Variants in KATNAL2 observed in about 807,000 individuals in gnomAD.
The protein encoded by KATNAL2 is katanin catalytic subunit A1 like 2.
Under a neutral mutation model 76.3 loss-of-function variants are expected in KATNAL2, and 52 were observed. The observed-to-expected ratio is 0.68, with a 90% CI of 0.55 to 0.86. The LOEUF is 0.86. Among genes scored for constraint, KATNAL2 ranks in the 40% least tolerant of loss-of-function variants. The probability of loss-of-function intolerance (pLI) is 0.00; values close to 1 mark genes in which losing one functional copy is unlikely to be tolerated. For missense variants in KATNAL2, 660 were observed against 668.9 expected (o/e 0.99, Z 0.15); for synonymous variants, 243 against 244.2 (o/e 1.00, Z 0.05).
chr18:47,050,707 G>C (rs888114782), intron 4 of KATNAL2, among the ~76,000 whole-genome samples: 1 of 152,240 alleles, frequency 6.6e-6, no homozygotes, highest in Admixed American at 6.5e-5. Flanking sequence ...AAGGACATAT[G>C]AGTGTCAATA....
intron 15 of KATNAL2, among the ~76,000 whole-genome samples, chr18:47,096,336 T>C (rs1350449329): frequency 6.6e-6 from 1 of 152,168 alleles, no homozygotes; most frequent in African/African-American, 2.4e-5. Flanking sequence ...TACTCTTTTT[T>C]AAAAAATATT....
At chr18:47,036,984 A>C (rs2060800114) in intron 3 of KATNAL2, among the ~76,000 whole-genome samples, 1 of 152,250 alleles carries the variant, frequency 6.6e-6, no homozygotes, top group African/African-American at 2.4e-5. Flanking sequence ...ATATATATTC[A>C]ACCTTTTAGG....
chr18:47,087,889 T>C (rs944041261), intron 15 of KATNAL2, among the ~76,000 whole-genome samples: 4 of 152,146 alleles, frequency 2.6e-5, no homozygotes, highest in African/African-American at 7.2e-5. Flanking sequence ...TGGACAACTT[T>C]GAAAATCTGC....
At chr18:47,069,398 TC>T in intron 12 of KATNAL2, 83 bp from the exon 13 acceptor site, 1 of 1,373,036 alleles carries the variant, frequency 7.3e-7, no homozygotes, top group Non-Finnish European at 1.0e-6. Flanking sequence ...GTCACTTCCT[TC>T]CTTGTGTGTG....
chr18:47,075,132 A>T, intron 13 of KATNAL2, 145 bp from the exon 14 acceptor site: 1 of 530,726 alleles, frequency 1.9e-6, no homozygotes. Flanking sequence ...GGGAGAAATG[A>T]TTGTAATGAT....
chr18:47,034,768 C>T lies in KATNAL2; in HGVS notation c.52-11689C>T, dbSNP rs370054629. 2.5e-6 allele frequency: 4 copies of T among 1,612,544 alleles called. No individual in the cohort carries two copies. The African/African-American group carries it at 4.0e-5, about 16-fold the overall frequency. ...GCGCGTTGGAGAGGCCCGATAGCGG[C>T]CGGAATCAGCTGGGGCTATTCTGGG... On this transcript the variant is annotated intron_variant, in intron 3 of 17. Transcript: ENST00000683218.
At chr18:47,046,225 AG>A (rs1569075063) in intron 3 of KATNAL2, among the ~76,000 whole-genome samples, 1 of 152,314 alleles carries the variant, frequency 6.6e-6, no homozygotes, top group East Asian at 1.9e-4. Context: ...AGTGGTAAAG[AG>A]CAATCCTAAT....
intron 14 of KATNAL2, 63 bp from the exon 15 acceptor site, chr18:47,077,288 C>T: frequency 8.1e-7 from 1 of 1,234,076 alleles, no homozygotes; most frequent in Non-Finnish European, 1.2e-6. Context: ...GCTGTGAATG[C>T]TGCTCTTGTC....
At chr18:47,034,027 T>C in intron 3 of KATNAL2, 1 of 1,614,212 alleles carries the variant, frequency 6.2e-7, no homozygotes, top group Non-Finnish European at 8.5e-7. Flanking sequence ...TTCGTTTGCT[T>C]TCCTTTGTTT....
chr18:47,069,344 C>T, intron 12 of KATNAL2, 61 bp downstream of exon 12: 1 of 1,454,662 alleles, frequency 6.9e-7, no homozygotes, highest in Non-Finnish European at 9.5e-7. Flanking sequence ...ATGAGTTGCC[C>T]CTTCTGTCCT....
Position 47,062,994 on chromosome 18 carries a change from G to T in KATNAL2, c.572G>T (p.Gly191Val). ...CAGGGCCAAATCATTGACTTCCAAG[G>T]GCTGCTCACAGATGCCATCAAGGGA... ...PRRGQIIDFQGLLTDAIKGAT... is the reference protein window; with the variant it reads ...PRRGQIIDFQVLLTDAIKGAT... Residue 191 changes from glycine (G) to valine (V), a missense_variant, in exon 9 of 18, where the codon GGG (glycine) becomes GTG (valine). By Grantham distance (109) the Gly-to-Val change is moderately radical (BLOSUM62 -3). Coordinates refer to ENST00000683218, the MANE Select transcript of KATNAL2 (RefSeq NM_001387690.1). 6.2e-7 allele frequency: 1 copy of T among 1,613,998 alleles called. No homozygotes were observed. Among genetic ancestry groups the T allele is most frequent in the Non-Finnish European group, 8.5e-7 (1 of 1,179,986 alleles).
chr18:46,936,408 T>A (rs921934597), intron 1 of KATNAL2, among the ~76,000 whole-genome samples: 21 of 152,166 alleles, frequency 1.4e-4, no homozygotes, highest in African/African-American at 4.8e-4. Flanking sequence ...CAGAAAATCT[T>A]AATTTTTATA....
At chr18:46,952,100 C>G (rs1687123137) in intron 3 of KATNAL2, among the ~76,000 whole-genome samples, 1 of 151,950 alleles carries the variant, frequency 6.6e-6, no homozygotes. Context: ...TTTTTAGAGA[C>G]AGACAAAGTC....
At chr18:47,097,200 T>C (rs1027998845) in intron 15 of KATNAL2, among the ~76,000 whole-genome samples, 3 of 151,826 alleles carry the variant, frequency 2.0e-5, no homozygotes, top group South Asian at 2.1e-4. Context: ...AGTGAAATAA[T>C]TGATTCAGAC....
intron 1 of KATNAL2, among the ~76,000 whole-genome samples, chr18:46,926,125 A>G (rs1015383336): frequency 2.0e-5 from 3 of 152,134 alleles, no homozygotes; most frequent in African/African-American, 7.2e-5. Flanking sequence ...GCCTTCTGCT[A>G]GCTTTTGAAT....
chr18:47,031,021 C>G (rs1477729826), intron 3 of KATNAL2, among the ~76,000 whole-genome samples: 5 of 34,732 alleles, frequency 1.4e-4, no homozygotes, highest in South Asian at 2.6e-3. Context: ...CTCCCCCCCC[C>G]CCCCCCGCCC....
chr18:47,035,496 T>A, intron 3 of KATNAL2: 1 of 859,914 alleles, frequency 1.2e-6, no homozygotes, highest in Non-Finnish European at 1.8e-6. Context: ...CCTCGGGATG[T>A]GGAGCCACAG....
chr18:46,932,673 C>CAA (rs1162695359), intron 1 of KATNAL2, among the ~76,000 whole-genome samples: 444 of 42,730 alleles, frequency 0.01, 14 homozygotes, highest in African/African-American at 0.02. Context: ...GACTCTGTCT[C>CAA]AAAAAAAAAA....
chr18:46,931,140 A>AAT (rs145690867), intron 1 of KATNAL2, among the ~76,000 whole-genome samples: 33 of 29,042 alleles, frequency 1.1e-3, no homozygotes, highest in Non-Finnish European at 1.6e-3. Flanking sequence ...TAATAATAAT[A>AAT]AATAAATAAA....
Sources: allele counts gnomAD v4.1 joint callset (sites outside exome capture counted in the v4.1 genomes callset), GRCh38; gene constraint gnomAD v4.1.1; transcripts MANE v1.5; gene names NCBI Gene and HGNC (gene_info 2026-07-23, HGNC 2026-07-21).